The following GCA variants were observed in gnomAD, a reference collection of about 807,000 sequenced individuals.
GCA encodes grancalcin, EF-hand calcium-binding protein.
A neutral mutation model predicts 32.6 loss-of-function variants in GCA; 30 were observed. The ratio of observed to expected loss-of-function variants is 0.92; its 90% CI spans 0.69 to 1.25. GCA has a LOEUF of 1.25. Among genes scored for constraint, GCA ranks in the 50% most tolerant of loss-of-function variants. The pLI, the probability that GCA is intolerant of heterozygous loss-of-function variation, is 0.00. For missense variants in GCA, 291 were observed against 266.8 expected (o/e 1.09, Z -0.63); for synonymous variants, 102 against 84.6 (o/e 1.21, Z -1.13).
At chr2:162,373,589 G>T, downstream of GCA, 1 of 1,582,408 alleles carries the variant, frequency 6.3e-7, no homozygotes, top group Non-Finnish European at 8.6e-7. Flanking sequence ...CTGTAGGCTG[G>T]GGGGACCACA....
chr2:162,336,291 T>C (rs1462914496), intron 1 of GCA, among the ~76,000 whole-genome samples: 1 of 152,216 alleles, frequency 6.6e-6, no homozygotes, highest in Non-Finnish European at 1.5e-5. Flanking sequence ...AACATGTATT[T>C]ATTGATGTGT....
chr2:162,329,100 C>CG (rs1683987598), intron 1 of GCA, among the ~76,000 whole-genome samples: 1 of 152,036 alleles, frequency 6.6e-6, no homozygotes, highest in South Asian at 2.1e-4. Context: ...GCTACGGTCT[C>CG]GGGGGTTTTT....
Position 162,356,466 on chromosome 2 carries a change from G to A in GCA, c.291G>A (p.Met97Ile), listed in dbSNP as rs765825935. Residue 97 changes from methionine to isoleucine, a missense_variant, in exon 4 of 8, where the codon ATG (methionine) becomes ATA (isoleucine). Met to Ile is a conservative substitution (Grantham distance 10). Coordinates refer to ENST00000437150, the MANE Select transcript of GCA (RefSeq NM_012198.5). Reference sequence around the variant, plus strand: ...TCAGTTTGGAAACCTGCAGAATTATGATTGCCATGTTGGATGTATCCTTGA... The same window carrying A: ...TCAGTTTGGAAACCTGCAGAATTATAATTGCCATGTTGGATGTATCCTTGA... ...SPFSLETCRI[M>I]IAMLDRDHTG... 1.9e-6 allele frequency: 3 copies of A among 1,573,200 alleles called. No individual in the cohort carries two copies. In the Admixed American group the frequency reaches 5.0e-5, roughly 26 times the overall value.
chr2:162,332,100 G>A (rs1684107319), intron 1 of GCA, among the ~76,000 whole-genome samples: 1 of 151,852 alleles, frequency 6.6e-6, no homozygotes, highest in Non-Finnish European at 1.5e-5. Flanking sequence ...ATGAGGTCAG[G>A]AGATCGAGAC....
chr2:162,319,900 A>G (rs768229675), intron 1 of GCA, among the ~76,000 whole-genome samples: 11 of 152,250 alleles, frequency 7.2e-5, no homozygotes, highest in Non-Finnish European at 1.6e-4. Context: ...TAATAGAAGT[A>G]CAGAGTCTTG....
In GCA at chr2:162,361,363, T is replaced by G. The variant is rs1226232784; in HGVS notation, c.*1120T>G. 1.0e-6 allele frequency: 1 copy of G among 976,304 alleles called. No individual in the cohort carries two copies. The highest frequency in any genetic ancestry group is 1.2e-6 in the Non-Finnish European group (1 of 821,854). The allele number at this position is 976,304 out of a possible 1,614,324, so 60.5% of individuals were successfully genotyped here. ...GTTATAATTAATGTAATTTCTTTCT[T>G]GGCAAACACCTCATGTCTGTCTTAG... is the stretch of plus-strand genomic sequence containing the variant. On this transcript the variant is annotated 3_prime_UTR_variant, in exon 8 of 8. Transcript: ENST00000437150.
downstream of GCA, chr2:162,373,538 G>T: frequency 6.3e-7 from 1 of 1,589,796 alleles, no homozygotes; most frequent in African/African-American, 1.4e-5. Flanking sequence ...CTCATCAGCT[G>T]GATGATGGGT....
chr2:162,353,053 G>A (rs1685079601), intron 3 of GCA, among the ~76,000 whole-genome samples: 1 of 152,126 alleles, frequency 6.6e-6, no homozygotes, highest in Non-Finnish European at 1.5e-5. Flanking sequence ...CCATCATTCT[G>A]AAGCTGGTTT....
At chr2:162,364,734 A>C (rs1004911926), downstream of GCA, among the ~76,000 whole-genome samples, 3 of 151,530 alleles carry the variant, frequency 2.0e-5, no homozygotes, top group African/African-American at 7.3e-5. Flanking sequence ...GAGAAGCAAC[A>C]GGGGGAGGAA....
chr2:162,319,723 AG>A (rs1488198741), intron 1 of GCA, among the ~76,000 whole-genome samples: 1 of 152,228 alleles, frequency 6.6e-6, no homozygotes, highest in Non-Finnish European at 1.5e-5. Flanking sequence ...TGTGGGTGGT[AG>A]GCACATACGC....
At chr2:162,336,125 G>A (rs1435982651) in intron 1 of GCA, among the ~76,000 whole-genome samples, 1 of 151,928 alleles carries the variant, frequency 6.6e-6, no homozygotes, top group East Asian at 1.9e-4. Flanking sequence ...TTTTGTTATT[G>A]TAATACTACG....
chr2:162,339,996 T>G (rs1410090634), upstream of GCA, among the ~76,000 whole-genome samples: 1 of 152,206 alleles, frequency 6.6e-6, no homozygotes, highest in Admixed American at 6.5e-5. Flanking sequence ...GTCATAAAAC[T>G]ATTTATATTA....
chr2:162,327,416 G>A (rs1174308339), intron 1 of GCA, among the ~76,000 whole-genome samples: 3 of 152,162 alleles, frequency 2.0e-5, no homozygotes, highest in Non-Finnish European at 4.4e-5. Flanking sequence ...GGCAAAAAAG[G>A]GGGGATGCTA....
chr2:162,372,012 T>C, downstream of GCA: 1 of 1,613,664 alleles, frequency 6.2e-7, no homozygotes, highest in Non-Finnish European at 8.5e-7. Flanking sequence ...AGTTGTCTTC[T>C]GAAGCTGTGT....
intron 3 of GCA, among the ~76,000 whole-genome samples, chr2:162,355,289 A>G (rs772117738): frequency 1.3e-5 from 2 of 152,126 alleles, no homozygotes; most frequent in Non-Finnish European, 2.9e-5. Context: ...TGAGTTGTCA[A>G]TTTGAAAATA....
At chr2:162,339,069 C>G (rs1684361425) in intron 1 of GCA, among the ~76,000 whole-genome samples, 1 of 152,142 alleles carries the variant, frequency 6.6e-6, no homozygotes, top group Non-Finnish European at 1.5e-5. Context: ...GAAGAAAGGT[C>G]AGTTTGCCAA....
downstream of GCA, among the ~76,000 whole-genome samples, chr2:162,365,916 A>AT (rs1398481512): frequency 6.6e-6 from 1 of 151,596 alleles, no homozygotes; most frequent in African/African-American, 2.4e-5. Flanking sequence ...TGATCCTTTA[A>AT]TTTTACCCCT....
upstream of GCA, among the ~76,000 whole-genome samples, chr2:162,342,778 G>T (rs2033300): frequency 0.11 from 16,193 of 152,212 alleles, 1,946 homozygotes; most frequent in African/African-American, 0.26. Context: ...TTCCTAAGCA[G>T]TTCTTTGAAT....
chr2:162,363,996 C>G (rs947566709), downstream of GCA, among the ~76,000 whole-genome samples: 55 of 151,558 alleles, frequency 3.6e-4, no homozygotes, highest in African/African-American at 1.3e-3. Context: ...TGTGCCCCTT[C>G]TGTAACATCA....
Sources: allele counts gnomAD v4.1 joint callset (sites outside exome capture counted in the v4.1 genomes callset), GRCh38; gene constraint gnomAD v4.1.1; transcripts MANE v1.5; gene names NCBI Gene and HGNC (gene_info 2026-07-23, HGNC 2026-07-21).